Variants in RETREG1 observed in about 807,000 individuals in gnomAD.
RETREG1 encodes reticulophagy regulator 1, also known as family with sequence similarity 134 member B.
A neutral mutation model predicts 54.8 loss-of-function variants in RETREG1; 44 were observed. That is an observed-to-expected ratio of 0.80 (90% CI 0.63 to 1.03). RETREG1 has a LOEUF of 1.03. Ranked by LOEUF, RETREG1 falls within the 50% of genes least tolerant of loss-of-function variation. The pLI is 0.00. For synonymous variants in RETREG1, 217 were observed against 238.5 expected, an observed-to-expected ratio of 0.91 and a Z score of 0.83; for missense variants, 554 against 605.1, an observed-to-expected ratio of 0.92 and a Z score of 0.89.
At chr5:16,578,303 C>CT (rs1367029813) in intron 1 of RETREG1, among the ~76,000 whole-genome samples, 1 of 152,116 alleles carries the variant, frequency 6.6e-6, no homozygotes, top group African/African-American at 2.4e-5. Context: ...CAGTCAGACT[C>CT]TCTTGAACAC....
intron 3 of RETREG1, among the ~76,000 whole-genome samples, chr5:16,521,516 A>C (rs959179648): frequency 9.2e-5 from 14 of 152,342 alleles, no homozygotes; most frequent in Non-Finnish European, 1.9e-4. Flanking sequence ...TCATCATAGC[A>C]GCAAAAGAGC....
At chr5:16,607,745 T>C (rs1237808304) in intron 1 of RETREG1, among the ~76,000 whole-genome samples, 1 of 152,036 alleles carries the variant, frequency 6.6e-6, no homozygotes, top group African/African-American at 2.4e-5. Context: ...TCCAAATTCC[T>C]TAGCATGGTC....
At chr5:16,539,821 T>C (rs1214118426) in intron 3 of RETREG1, among the ~76,000 whole-genome samples, 2 of 152,246 alleles carry the variant, frequency 1.3e-5, no homozygotes, top group African/African-American at 4.8e-5. Flanking sequence ...TGTTTAGATG[T>C]CAAATAATGC....
At position 16,561,942 on chromosome 5, in the gene RETREG1, G is replaced by T. The variant is rs1579685538; in HGVS notation, c.458+3821C>A. On this transcript the variant is annotated intron_variant, in intron 3 of 8. Coordinates refer to ENST00000306320, the MANE Select transcript of RETREG1 (RefSeq NM_001034850.3). This position sits in a 1 kb window ranked among gnomAD's most constrained non-coding sequence, Gnocchi z 4.2. The stretch of plus-strand genomic sequence containing the variant: ...CACTGAAATTACCCTAGCTCAGCTT[G>T]TCTAATCTTTCCCCAACCACAGTTA... 6.6e-6 allele frequency among the ~76,000 whole-genome samples: 1 copy of T among 152,216 alleles called. No individual in the cohort carries two copies. Among genetic ancestry groups the T allele is most frequent in the East Asian group, 1.9e-4 (1 of 5,184 alleles).
rs1000624459 is a variant in RETREG1 at position 16,601,535 on chromosome 5, T to G, written c.320+15117A>C. 2.0e-5 allele frequency among the ~76,000 whole-genome samples: 3 copies of G among 152,178 alleles called. No homozygotes were observed. The South Asian group carries it at 6.2e-4, about 32-fold the overall frequency. ...CCTCAACCTCCCAAGTAGCTGGGAT[T>G]ACAGGCATGCGCCACCATACCCGGC... On this transcript the variant is annotated intron_variant, in intron 1 of 8. Coordinates refer to ENST00000306320, the MANE Select transcript of RETREG1 (RefSeq NM_001034850.3).
At chr5:16,547,631 G>A (rs1203622056) in intron 3 of RETREG1, among the ~76,000 whole-genome samples, 1 of 152,188 alleles carries the variant, frequency 6.6e-6, no homozygotes, top group Non-Finnish European at 1.5e-5. Context: ...ATTCTTCCAA[G>A]TTCCCCTTTC....
chr5:16,502,487 C>T (rs555696593), intron 3 of RETREG1, among the ~76,000 whole-genome samples: 2 of 152,160 alleles, frequency 1.3e-5, no homozygotes, highest in Non-Finnish European at 2.9e-5. Context: ...GATATTTTTG[C>T]AGGCATTTAA....
At chr5:16,599,960 CCT>C (rs924828808) in intron 1 of RETREG1, among the ~76,000 whole-genome samples, 40 of 152,248 alleles carry the variant, frequency 2.6e-4, no homozygotes, top group African/African-American at 8.7e-4. Context: ...AGCACGTCCC[CCT>C]GAGCTGCAGG....
chr5:16,588,959 C>T (rs918505776), intron 1 of RETREG1, among the ~76,000 whole-genome samples: 3 of 152,192 alleles, frequency 2.0e-5, no homozygotes, highest in African/African-American at 7.2e-5. Context: ...AGGTCAGGAT[C>T]AAGTGCCCTT....
chr5:16,564,865 C>T (rs941379867), intron 3 of RETREG1, among the ~76,000 whole-genome samples: 1 of 152,184 alleles, frequency 6.6e-6, no homozygotes, highest in East Asian at 1.9e-4. Context: ...TGCATAAGCA[C>T]AGCTTCCAAA....
rs1486393570 is a variant in RETREG1 at position 16,574,101 on chromosome 5, C to G, written c.321-1999G>C. On this transcript the variant is annotated intron_variant, in intron 1 of 8. Transcript: ENST00000306320. ...TGGGTCTGGGGAGGTGGATGCAACT[C>G]AGATGAAAATAGAGGCTCCTCCAAT... Among the ~76,000 whole-genome samples the G allele has an allele frequency of 3.3e-5, 5 of 152,138 alleles. No homozygotes were observed. The East Asian group carries it at 9.7e-4, about 29-fold the overall frequency.
rs529287709 is a variant in RETREG1 at position 16,501,399 on chromosome 5, G to A, written c.459-17927C>T. On this transcript the variant is annotated intron_variant, in intron 3 of 8. Transcript: ENST00000306320. Reference sequence around the variant, plus strand: ...CAGAATGGTTAAAATGGTTAAAATCGTTCAGTGTTTACACTTTAAAATGCA... The same window carrying A: ...CAGAATGGTTAAAATGGTTAAAATCATTCAGTGTTTACACTTTAAAATGCA... Among the ~76,000 whole-genome samples the A allele has an allele frequency of 1.6e-4, 25 of 152,292 alleles. No individual in the cohort carries two copies. In the South Asian group the frequency reaches 1.7e-3, roughly 10 times the overall value.
At chr5:16,572,567 G>A (rs1742205777) in intron 1 of RETREG1, among the ~76,000 whole-genome samples, 1 of 152,154 alleles carries the variant, frequency 6.6e-6, no homozygotes, top group African/African-American at 2.4e-5. Flanking sequence ...TATTTAATAG[G>A]CATCAAAGTC....
Position 16,477,791 on chromosome 5 carries a change from G to T in RETREG1, c.874-3C>A, listed in dbSNP as rs752798845. On this transcript the variant is annotated splice_polypyrimidine_tract_variant and splice_region_variant and intron_variant, in intron 7 of 8. Coordinates refer to ENST00000306320, the MANE Select transcript of RETREG1 (RefSeq NM_001034850.3). ...TTGGCAGCAACCGTGAGGCTAATCT[G>T]TGTTAATATAAATAAATACCAGCGG... 1 of 1,613,248 alleles carries T rather than the reference G, an allele frequency of 6.2e-7. No homozygotes were observed. The highest frequency in any genetic ancestry group is 2.2e-5 in the East Asian group (1 of 44,854).
rs1740426193 is a variant in RETREG1, at chr5:16,518,338, C to G, written c.459-34866G>C. 2.7e-5 allele frequency among the ~76,000 whole-genome samples: 4 copies of G among 149,358 alleles called. No homozygotes were observed. The South Asian group carries it at 8.4e-4, about 31-fold the overall frequency. ...AAAGATATGTACAAAGAAGGAAAGGCAAACTAGAAGGACAAGGCGAGGAGG... is the reference window on the plus strand; with the variant it reads ...AAAGATATGTACAAAGAAGGAAAGGGAAACTAGAAGGACAAGGCGAGGAGG... On this transcript the variant is annotated intron_variant, in intron 3 of 8. Coordinates refer to ENST00000306320, the MANE Select transcript of RETREG1 (RefSeq NM_001034850.3).
chr5:16,520,901 G>T (rs1740515586), intron 3 of RETREG1, among the ~76,000 whole-genome samples: 1 of 152,078 alleles, frequency 6.6e-6, no homozygotes, highest in Admixed American at 6.5e-5. Flanking sequence ...GACAGGAGTA[G>T]CCTCTGGAAA....
At chr5:16,604,730 A>G (rs1434648082) in intron 1 of RETREG1, among the ~76,000 whole-genome samples, 1 of 152,204 alleles carries the variant, frequency 6.6e-6, no homozygotes, top group Non-Finnish European at 1.5e-5. Flanking sequence ...ACCTCACCCA[A>G]TGTGTTTTCA....
intron 1 of RETREG1, among the ~76,000 whole-genome samples, chr5:16,587,191 C>A (rs1742646186): frequency 6.6e-6 from 1 of 152,188 alleles, no homozygotes; most frequent in Admixed American, 6.5e-5. Flanking sequence ...AGAAGCAAGA[C>A]ACACAGTAAT....
At chr5:16,527,828 G>A (rs78722764) in intron 3 of RETREG1, among the ~76,000 whole-genome samples, 1 of 5,036 alleles carries the variant, frequency 2.0e-4, no homozygotes, top group Admixed American at 2.9e-3. Context: ...TTTTTTTTTT[G>A]AGATGCAGTC....
Sources: allele counts gnomAD v4.1 joint callset (sites outside exome capture counted in the v4.1 genomes callset), GRCh38; gene constraint gnomAD v4.1.1; non-coding constraint Gnocchi (gnomAD v3.1); transcripts MANE v1.5; gene names NCBI Gene and HGNC (gene_info 2026-07-23, HGNC 2026-07-21).